The following KIAA1549L variants were observed in gnomAD, a reference collection of about 807,000 sequenced individuals.
The protein encoded by KIAA1549L is UPF0606 protein KIAA1549L.
A neutral mutation model predicts 160.7 loss-of-function variants in KIAA1549L; 88 were observed. The observed-to-expected ratio is 0.55, with a 90% confidence interval of 0.46 to 0.65. The LOEUF (loss-of-function observed/expected upper bound fraction) is 0.65, where lower values mean the gene tolerates loss of function less well. Ranked by LOEUF, KIAA1549L falls within the 30% of genes least tolerant of loss-of-function variation. The probability of loss-of-function intolerance (pLI) is 0.00; values close to 1 mark genes in which losing one functional copy is unlikely to be tolerated. For synonymous variants in KIAA1549L, 950 were observed against 976.7 expected (o/e 0.97, Z 0.51); for missense variants, 2,258 against 2,437.5 (o/e 0.93, Z 1.55).
chr11:33,568,027 A>C, intron 8 of KIAA1549L, 49 bp from the exon 9 acceptor site: 1 of 1,523,936 alleles, frequency 6.6e-7, no homozygotes, highest in Admixed American at 2.0e-5. Context: ...TTACTGAATC[A>C]GCAGAAAGTC....
At chr11:33,517,475 A>G (rs987828398) in intron 1 of KIAA1549L, among the ~76,000 whole-genome samples, 1 of 152,178 alleles carries the variant, frequency 6.6e-6, no homozygotes, top group Non-Finnish European at 1.5e-5. Context: ...TTCTAGTAAA[A>G]AGAATCCTTG....
intron 13 of KIAA1549L, among the ~76,000 whole-genome samples, chr11:33,599,890 T>C (rs970910867): frequency 6.6e-6 from 1 of 152,244 alleles, no homozygotes; most frequent in Non-Finnish European, 1.5e-5. Flanking sequence ...CTAAACCCTC[T>C]AGCACCCTGC....
At chr11:33,446,796 C>T (rs1039750192) in intron 1 of KIAA1549L, among the ~76,000 whole-genome samples, 1 of 152,148 alleles carries the variant, frequency 6.6e-6, no homozygotes. Context: ...AATGTGGTAG[C>T]TGGCTTTCCT....
intron 1 of KIAA1549L, among the ~76,000 whole-genome samples, chr11:33,422,441 C>T (rs1378979834): frequency 1.3e-5 from 2 of 151,926 alleles, no homozygotes; most frequent in Non-Finnish European, 2.9e-5. Flanking sequence ...ATCTTCTGTC[C>T]TTCTAGGTCT....
At chr11:33,395,414 TTTTCTC>T (rs758350112) in intron 1 of KIAA1549L, among the ~76,000 whole-genome samples, 5 of 152,218 alleles carry the variant, frequency 3.3e-5, no homozygotes, top group Admixed American at 6.5e-5. Flanking sequence ...ATTATTTTCT[TTTTCTC>T]TTCTCTCTAA....
chr11:33,485,631 A>AT (rs1299871262), intron 1 of KIAA1549L, among the ~76,000 whole-genome samples: 12 of 152,016 alleles, frequency 7.9e-5, no homozygotes, highest in Non-Finnish European at 1.5e-4. Context: ...CATTTTTATC[A>AT]TTTTTTTTGG....
intron 9 of KIAA1549L, among the ~76,000 whole-genome samples, chr11:33,573,780 G>A (rs1855351999): frequency 6.6e-6 from 1 of 152,158 alleles, no homozygotes; most frequent in African/African-American, 2.4e-5. Context: ...TACCAGGCAT[G>A]CGTACTGTAG....
In KIAA1549L at chr11:33,543,656, G is replaced by A; in HGVS notation, c.2093G>A (p.Ser698Asn). 6.2e-7 allele frequency: 1 copy of A among 1,613,916 alleles called. No individual in the cohort carries two copies. The highest frequency in any genetic ancestry group is 8.5e-7 in the Non-Finnish European group (1 of 1,179,836). The part of the protein sequence containing the change: ...KKPATTDVFW[S>N]SLSAETGSLS... The stretch of plus-strand genomic sequence containing the variant: ...CCAGCAACCACAGATGTTTTCTGGA[G>A]TTCTCTTTCAGCAGAAACTGGATCT... The change falls in exon 2 of 21, where the codon AGT becomes AAT. Residue 698 changes from serine (S) to asparagine (N), a missense_variant. Coordinates refer to ENST00000658780, the MANE Select transcript of KIAA1549L (RefSeq NM_012194.3).
intron 1 of KIAA1549L, among the ~76,000 whole-genome samples, chr11:33,395,633 G>A (rs376585139): frequency 3.9e-5 from 6 of 152,056 alleles, no homozygotes; most frequent in Admixed American, 1.3e-4. Flanking sequence ...AGGAGAAAAC[G>A]TAACATGTTT....
intron 1 of KIAA1549L, among the ~76,000 whole-genome samples, chr11:33,519,662 A>G (rs1253085437): frequency 1.3e-5 from 2 of 152,240 alleles, no homozygotes; most frequent in African/African-American, 2.4e-5. Context: ...ATCACAAGCT[A>G]TATAAAATTC....
chr11:33,544,958 G>A lies in KIAA1549L; in HGVS notation c.2965G>A (p.Ala989Thr), dbSNP rs1026542417. The A allele has an allele frequency of 2.5e-6, 4 of 1,613,756 alleles. No homozygotes were observed. In the African/African-American group the frequency reaches 5.3e-5, roughly 22 times the overall value. ...TCTTGCTAAAAATGTCACAAACAAG[G>A]CCGCATCTGGCCCAAAGAGGACACC... ...TTLAKNVTNK[A>T]ASGPKRTPGA... The change falls in exon 3 of 21, where the codon GCC (alanine) becomes ACC (threonine). Residue 989 changes from alanine to threonine, a missense_variant. Physicochemically the swap from Ala to Thr is moderately conservative, Grantham distance 58 (BLOSUM62 0). Transcript: ENST00000658780.
chr11:33,388,061 G>C (rs1488984645), intron 1 of KIAA1549L, among the ~76,000 whole-genome samples: 1 of 152,112 alleles, frequency 6.6e-6, no homozygotes, highest in East Asian at 1.9e-4. Flanking sequence ...GCAATACTCA[G>C]GTAGATGCAG....
chr11:33,651,090 C>T (rs761299254), intron 17 of KIAA1549L, among the ~76,000 whole-genome samples: 3 of 152,170 alleles, frequency 2.0e-5, no homozygotes, highest in East Asian at 1.9e-4. Flanking sequence ...AAATGTACCT[C>T]GCTTCTTTGA....
chr11:33,445,708 G>T (rs1565140416), intron 1 of KIAA1549L, among the ~76,000 whole-genome samples: 1 of 152,214 alleles, frequency 6.6e-6, no homozygotes, highest in Non-Finnish European at 1.5e-5. Context: ...TTGTGCTTCA[G>T]TTCCCTCATT....
intron 1 of KIAA1549L, among the ~76,000 whole-genome samples, chr11:33,530,805 C>G (rs140218017): frequency 6.6e-6 from 1 of 152,056 alleles, no homozygotes; most frequent in African/African-American, 2.4e-5. Flanking sequence ...TGTATTGTAA[C>G]AGTCGAGGAT....
intron 1 of KIAA1549L, among the ~76,000 whole-genome samples, chr11:33,427,394 G>A (rs925112994): frequency 6.6e-6 from 1 of 152,118 alleles, no homozygotes; most frequent in Non-Finnish European, 1.5e-5. Flanking sequence ...CCTCCTGCCA[G>A]CAGTTCCCCC....
At chr11:33,378,303 GTGT>G (rs2134026920) in intron 1 of KIAA1549L, among the ~76,000 whole-genome samples, 1 of 152,192 alleles carries the variant, frequency 6.6e-6, no homozygotes, top group East Asian at 1.9e-4. Flanking sequence ...TGGCTTTCAT[GTGT>G]TGTTCTTGTT....
Position 33,544,162 on chromosome 11 carries a change from A to G in KIAA1549L, c.2599A>G (p.Thr867Ala). 6.2e-7 allele frequency: 1 copy of G among 1,614,056 alleles called. No homozygotes were observed. Among genetic ancestry groups the G allele is most frequent in the South Asian group, 1.1e-5 (1 of 91,092 alleles). Reference sequence around the variant, plus strand: ...GGAAATGCTTTCAGATGGAACAGATACAGGTTCTGAAATTTCCAGTGACAT... The same window carrying G: ...GGAAATGCTTTCAGATGGAACAGATGCAGGTTCTGAAATTTCCAGTGACAT... ...LQEMLSDGTD[T>A]GSEISSDINS... is the part of the protein sequence containing the mutation. The change falls in exon 2 of 21, where the codon ACA (threonine) becomes GCA (alanine). Residue 867 changes from threonine to alanine, a missense_variant. By Grantham distance (58) the Thr-to-Ala change is moderately conservative. Around this residue, in one of 6 missense-constraint regions of KIAA1549L, gnomAD observed 287 missense variants for 292.3 expected, o/e 0.98. Coordinates refer to ENST00000658780, the MANE Select transcript of KIAA1549L (RefSeq NM_012194.3).
chr11:33,485,155 G>A (rs1245820976), intron 1 of KIAA1549L, among the ~76,000 whole-genome samples: 1 of 152,162 alleles, frequency 6.6e-6, no homozygotes, highest in Non-Finnish European at 1.5e-5. Flanking sequence ...ATTGTTTTAG[G>A]AAAGGACTTC....
Sources: gnomAD v4.1 joint callset for allele counts (sites outside exome capture counted in the v4.1 genomes callset) on GRCh38, gnomAD v4.1.1 for gene constraint, gnomAD v4.1.1 regional missense constraint, MANE v1.5 for transcripts, NCBI Gene and HGNC (gene_info 2026-07-23, HGNC 2026-07-21) for gene names.